ARIH2: variants seen among roughly 807,000 people sequenced by gnomAD.
ARIH2 encodes the protein E3 ubiquitin-protein ligase ARIH2.
In ARIH2, 12 loss-of-function variants were observed where a neutral mutation model predicts 79.8. That is an observed-to-expected ratio of 0.15 (90% confidence interval 0.10 to 0.24). ARIH2 has a LOEUF of 0.24. ARIH2 is among the 10% of genes least tolerant of loss of function. The probability of loss-of-function intolerance (pLI) is 1.00; values close to 1 mark genes in which losing one functional copy is unlikely to be tolerated. For missense variants in ARIH2, 301 were observed against 618.3 expected (o/e 0.49, Z 5.44); for synonymous variants, 224 against 213.9 (o/e 1.05, Z -0.41).
At chr3:48,929,286 A>G (rs1265198702) in intron 3 of ARIH2, among the ~76,000 whole-genome samples, 1 of 151,730 alleles carries the variant, frequency 6.6e-6, no homozygotes, top group Admixed American at 6.6e-5. Context: ...CTGCCCTGCT[A>G]GAGACAGCTG....
rs369182879 is a variant in ARIH2, at chr3:48,920,126, C to A, written c.-162+1128C>A. Among the ~76,000 whole-genome samples the A allele has an allele frequency of 1.2e-4, 18 of 151,754 alleles. No homozygotes were observed. The East Asian group carries it at 2.5e-3, about 21-fold the overall frequency. The stretch of plus-strand genomic sequence containing the variant: ...TCCTAAGTAGCTGGGACCACAGGCA[C>A]GTACCACCACACCTGGCTAATTTGT... On this transcript the variant is annotated intron_variant, in intron 1 of 15. Transcript: ENST00000356401.
intron 1 of ARIH2, chr3:48,921,382 A>T (rs2084790736): frequency 7.0e-6 from 1 of 143,360 alleles, no homozygotes; most frequent in African/African-American, 2.6e-5. Context: ...AGGAGCCTGG[A>T]GTTTTCCCCA....
chr3:48,983,046 G>T (rs1053917164), intron 15 of ARIH2, 67 bp downstream of exon 15: 20 of 1,544,000 alleles, frequency 1.3e-5, no homozygotes, highest in Non-Finnish European at 1.7e-5. Context: ...ATAGGTGACA[G>T]CGTTGTTGGC....
intron 2 of ARIH2, among the ~76,000 whole-genome samples, chr3:48,923,452 A>G (rs1464560346): frequency 6.6e-6 from 1 of 151,098 alleles, no homozygotes; most frequent in African/African-American, 2.4e-5. Flanking sequence ...CCCACAATTA[A>G]TAGGGTTTTT....
At chr3:48,936,741 A>G (rs1351230110) in intron 3 of ARIH2, among the ~76,000 whole-genome samples, 1 of 149,548 alleles carries the variant, frequency 6.7e-6, no homozygotes, top group Non-Finnish European at 1.5e-5. Flanking sequence ...TCAAAAAAAC[A>G]AAAACAGGCC....
intron 4 of ARIH2, among the ~76,000 whole-genome samples, chr3:48,962,148 G>T (rs1183654830): frequency 6.6e-6 from 1 of 152,062 alleles, no homozygotes; most frequent in African/African-American, 2.4e-5. Context: ...AGGCTGAGGC[G>T]GGCGGATCAC....
In ARIH2 at chr3:48,965,670, C is replaced by A. The variant is rs188521798; in HGVS notation, c.387+688C>A. Among the ~76,000 whole-genome samples, 1,057 of 152,136 alleles carry A rather than the reference C, an allele frequency of 6.9e-3. 38 individuals are homozygous for A. The highest frequency in any genetic ancestry group is 0.062 in the Admixed American group (943 of 15,264). On this transcript the variant is annotated intron_variant, in intron 5 of 15. Transcript: ENST00000356401. ...TAGGGAGGGAATTCACCTTTAAAGA[C>A]CCCAGTCCGGCCAGGCACGGTGGCT...
rs1319059822 is a variant in ARIH2, at chr3:48,961,557, AC to A, written c.256-54del. The A allele has an allele frequency of 9.5e-6, 11 of 1,161,308 alleles. No individual in the cohort carries two copies. In the African/African-American group the frequency reaches 1.7e-4, roughly 18 times the overall value. The allele number at this position is 1,161,308 out of a possible 1,614,324, so 71.9% of individuals were successfully genotyped here. ...ATGTATACAGTTCTCAAAATGCGAA[AC>A]ACTTTAAAAGAAAATGCAGTTATAA... is the stretch of plus-strand genomic sequence containing the variant. On this transcript the variant is annotated intron_variant, in intron 3 of 15. Transcript: ENST00000356401.
At position 48,919,251 on chromosome 3, in the gene ARIH2, C is replaced by T. The variant is rs553609068; in HGVS notation, c.-162+253C>T. On this transcript the variant is annotated intron_variant, in intron 1 of 15. Coordinates refer to ENST00000356401, the MANE Select transcript of ARIH2 (RefSeq NM_006321.4). ...GTCAGAGGCCACCGCCTCTGACCAA[C>T]CGGCGCCGGCACATCTAGGCCCTCT... 8 of 1,225,052 alleles carry T rather than the reference C, an allele frequency of 6.5e-6. No homozygotes were observed. In the East Asian group the frequency reaches 1.9e-4, roughly 29 times the overall value. 75.9% of individuals were successfully genotyped at this position (1,225,052 alleles called of 1,614,324 possible). A position where few individuals can be genotyped will look rare whatever the true frequency, so the allele number is the denominator to read the frequency against.
At chr3:48,933,950 C>G (rs1289120155) in intron 3 of ARIH2, among the ~76,000 whole-genome samples, 1 of 152,134 alleles carries the variant, frequency 6.6e-6, no homozygotes, top group Non-Finnish European at 1.5e-5. Context: ...TTATGAATTG[C>G]TGTATTAACT....
intron 11 of ARIH2, among the ~76,000 whole-genome samples, chr3:48,975,359 C>T (rs1187669614): frequency 2.0e-5 from 3 of 152,132 alleles, no homozygotes; most frequent in Non-Finnish European, 4.4e-5. Flanking sequence ...ATGGTTTTCC[C>T]TTGCCGTTTT....
intron 11 of ARIH2, among the ~76,000 whole-genome samples, chr3:48,977,712 C>T (rs1309565358): frequency 6.6e-6 from 1 of 152,144 alleles, no homozygotes; most frequent in Non-Finnish European, 1.5e-5. Flanking sequence ...CCACCTTGGC[C>T]TCCCAAAGTG....
intron 3 of ARIH2, among the ~76,000 whole-genome samples, chr3:48,960,844 A>G (rs564178515): frequency 2.0e-5 from 3 of 151,782 alleles, no homozygotes; most frequent in African/African-American, 7.2e-5. Flanking sequence ...TAGATCTGTC[A>G]TATATTATTT....
intron 3 of ARIH2, among the ~76,000 whole-genome samples, chr3:48,958,831 A>G (rs1000210837): frequency 8.5e-5 from 13 of 152,172 alleles, no homozygotes; most frequent in African/African-American, 2.7e-4. Flanking sequence ...ACTAGGCAAC[A>G]TGGAGAAACC....
intron 3 of ARIH2, among the ~76,000 whole-genome samples, chr3:48,936,430 C>T (rs1010100731): frequency 6.6e-6 from 1 of 152,142 alleles, no homozygotes; most frequent in East Asian, 1.9e-4. Flanking sequence ...AAGTTTAAAT[C>T]TTTATAAACA....
chr3:48,945,992 C>G (rs564394496), intron 3 of ARIH2, among the ~76,000 whole-genome samples: 1 of 152,272 alleles, frequency 6.6e-6, no homozygotes, highest in African/African-American at 2.4e-5. Flanking sequence ...AAGGTAGTCT[C>G]CATTCTAAGC....
rs755445978 is a variant in ARIH2 at position 48,968,583 on chromosome 3, T to C, written c.588T>C (p.Phe196=). The part of the protein sequence containing the change: ...QDCPLRTPED[F]VFPLLPNEEL... The stretch of plus-strand genomic sequence containing the variant: ...GTCCACTCCGTACACCAGAGGACTT[T>C]GTGTTTCCATTGCTTCCCAATGAAG... The change falls in exon 7 of 16, where the codon TTT becomes TTC. Residue 196 remains phenylalanine, a synonymous_variant. Transcript: ENST00000356401. 7 of 1,611,874 alleles carry C rather than the reference T, an allele frequency of 4.3e-6. No homozygotes were observed. Among genetic ancestry groups the C allele is most frequent in the African/African-American group, 4.0e-5 (3 of 74,978 alleles).
chr3:48,980,126 C>T (rs533664136), intron 12 of ARIH2: 7 of 404,300 alleles, frequency 1.7e-5, no homozygotes, highest in African/African-American at 6.1e-5. Flanking sequence ...CCTCAGGGCT[C>T]GAGTCCTGTT....
At chr3:48,973,837 C>T (rs1314028163) in intron 9 of ARIH2, 21 bp downstream of exon 9, 4 of 1,577,280 alleles carry the variant, frequency 2.5e-6, no homozygotes, top group South Asian at 1.1e-5. Flanking sequence ...TATTTTACCT[C>T]TCATGGATTT....
Sources: allele counts gnomAD v4.1 joint callset (sites outside exome capture counted in the v4.1 genomes callset), GRCh38; gene constraint gnomAD v4.1.1; transcripts MANE v1.5; gene names NCBI Gene and HGNC (gene_info 2026-07-23, HGNC 2026-07-21).